Variants in ALPK2 observed in about 807,000 individuals in gnomAD.
ALPK2 encodes the protein alpha-protein kinase 2.
In ALPK2, 127 loss-of-function variants were observed where a neutral mutation model predicts 163.1. The observed-to-expected ratio is 0.78, with a 90% CI of 0.67 to 0.90. The LOEUF (loss-of-function observed/expected upper bound fraction) is 0.90. ALPK2 is among the 40% of genes least tolerant of loss of function. The pLI, the probability that ALPK2 is intolerant of heterozygous loss-of-function variation, is 0.00. For missense variants in ALPK2, 2,360 were observed against 2,589.6 expected (o/e 0.91, Z 1.92); for synonymous variants, 953 against 959.1 (o/e 0.99, Z 0.12).
intron 1 of ALPK2, among the ~76,000 whole-genome samples, chr18:58,621,428 T>C (rs1381281361): frequency 1.3e-5 from 2 of 151,950 alleles, no homozygotes; most frequent in Non-Finnish European, 2.9e-5. Context: ...CCCGCCACAA[T>C]GCCCGGCTAA....
At position 58,515,083 on chromosome 18, in the gene ALPK2, T is replaced by C. The variant is rs1446363772; in HGVS notation, c.5941-2A>G. The C allele has an allele frequency of 6.2e-7, 1 of 1,608,754 alleles. No homozygotes were observed. The highest frequency in any genetic ancestry group is 8.5e-7 in the Non-Finnish European group (1 of 1,176,740). On this transcript the variant is annotated splice_acceptor_variant, in intron 9 of 12. Coordinates refer to ENST00000361673, the MANE Select transcript of ALPK2 (RefSeq NM_052947.4). LOFTEE classifies it high-confidence loss of function. Reference sequence around the variant, plus strand: ...GGCAGTATTTTGAACATAGCATTCCTATATCGCCAAAATACATAGAAAGCC... The same window carrying C: ...GGCAGTATTTTGAACATAGCATTCCCATATCGCCAAAATACATAGAAAGCC...
intron 4 of ALPK2, chr18:58,578,241 G>A (rs1038358182): frequency 6.6e-6 from 1 of 152,138 alleles, no homozygotes; most frequent in Non-Finnish European, 1.5e-5. Context: ...CATCCCACCA[G>A]TGAGGCAACA....
At position 58,499,816 on chromosome 18, in the gene ALPK2, A is replaced by G. The variant is rs76224339; in HGVS notation, c.6248-1719T>C. 1.2e-3 allele frequency among the ~76,000 whole-genome samples: 182 copies of G among 152,352 alleles called. 1 individual carries two copies. In the East Asian group the frequency reaches 0.017, roughly 14 times the overall value. ...TGCCCATGGAGGGCCCTGGCAGCCT[A>G]GAAACCAGTTTGGGCTGTGGAAAGA... On this transcript the variant is annotated intron_variant, in intron 11 of 12. Transcript: ENST00000361673.
At chr18:58,524,165 GT>G in intron 6 of ALPK2, 103 bp from the exon 7 acceptor site, 1 of 1,463,470 alleles carries the variant, frequency 6.8e-7, no homozygotes. Flanking sequence ...CTGCTCACAT[GT>G]TTTCAGCCAG....
rs112816306 is a variant in ALPK2, at chr18:58,626,987, C to T, written c.-21+1777G>A. Among the ~76,000 whole-genome samples the T allele has an allele frequency of 4.0e-3, 604 of 152,200 alleles. 5 individuals carry two copies. The highest frequency in any genetic ancestry group is 0.013 in the African/African-American group (548 of 41,524). On this transcript the variant is annotated intron_variant, in intron 1 of 12. Transcript: ENST00000361673. Reference sequence around the variant, plus strand: ...TAGGTATATTTATTCATCTAATCCCCCATCAATCCTGTTAAAGTGAATACT... The same window carrying T: ...TAGGTATATTTATTCATCTAATCCCTCATCAATCCTGTTAAAGTGAATACT...
intron 1 of ALPK2, among the ~76,000 whole-genome samples, chr18:58,623,340 C>T (rs992362135): frequency 2.6e-5 from 4 of 151,364 alleles, no homozygotes; most frequent in African/African-American, 9.7e-5. Context: ...ACTCCCAATA[C>T]AGAAGATTTT....
At chr18:58,626,802 G>A (rs1602246085) in intron 1 of ALPK2, among the ~76,000 whole-genome samples, 1 of 151,056 alleles carries the variant, frequency 6.6e-6, no homozygotes, top group African/African-American at 2.4e-5. Flanking sequence ...ATTGTGTTAT[G>A]TTGTATTGCA....
intron 4 of ALPK2, among the ~76,000 whole-genome samples, chr18:58,572,102 TC>T (rs1374692608): frequency 4.0e-5 from 6 of 151,870 alleles, no homozygotes; most frequent in Non-Finnish European, 8.8e-5. Context: ...AACAGACATT[TC>T]CCCAAAGAAA....
intron 4 of ALPK2, among the ~76,000 whole-genome samples, chr18:58,554,142 G>A (rs886610802): frequency 1.7e-4 from 26 of 152,182 alleles, no homozygotes; most frequent in Non-Finnish European, 1.3e-4. Context: ...TTACAGGCAT[G>A]AGCCTCTGTG....
chr18:58,572,587 C>T (rs1414845707), intron 4 of ALPK2, among the ~76,000 whole-genome samples: 4 of 152,008 alleles, frequency 2.6e-5, no homozygotes, highest in South Asian at 2.1e-4. Flanking sequence ...AATGAATCTC[C>T]GGGAATTCTG....
chr18:58,481,748 C>G lies in ALPK2; in HGVS notation c.*75G>C, dbSNP rs762972895. On this transcript the variant is annotated 3_prime_UTR_variant, in exon 13 of 13. Transcript: ENST00000361673. ...GCACTCTCTGCAGGCTGTATATTCT[C>G]TCCTGTGTGGCCTCAGATTTTCCCT... 5.8e-5 allele frequency: 72 copies of G among 1,243,526 alleles called. No homozygotes were observed. The highest frequency in any genetic ancestry group is 8.0e-5 in the Non-Finnish European group (68 of 853,412). 77.0% of individuals were successfully genotyped at this position (1,243,526 alleles called of 1,614,324 possible).
chr18:58,551,449 A>G (rs1210968274), intron 4 of ALPK2, among the ~76,000 whole-genome samples: 4 of 152,146 alleles, frequency 2.6e-5, no homozygotes, highest in African/African-American at 9.7e-5. Context: ...TCTTATAAGG[A>G]CACCAGTCAC....
chr18:58,494,030 G>A (rs528971074), intron 12 of ALPK2, among the ~76,000 whole-genome samples: 194 of 152,310 alleles, frequency 1.3e-3, no homozygotes, highest in African/African-American at 4.5e-3. Context: ...CTCCCCGACT[G>A]GCTGGAGAGA....
chr18:58,535,034 G>C lies in ALPK2; in HGVS notation c.5153C>G (p.Pro1718Arg), dbSNP rs2051635962. The C allele has an allele frequency of 2.5e-6, 4 of 1,613,994 alleles. No homozygotes were observed. The highest frequency in any genetic ancestry group is 3.4e-6 in the Non-Finnish European group (4 of 1,180,014). The change falls in exon 5 of 13, where the codon CCA becomes CGA. Residue 1718 changes from proline to arginine, a missense_variant. Pro to Arg is a moderately radical substitution (Grantham distance 103). Coordinates refer to ENST00000361673, the MANE Select transcript of ALPK2 (RefSeq NM_052947.4). The stretch of plus-strand genomic sequence containing the variant: ...TCCCTCAGCTAAATGTCCACTGCCT[G>C]GGGCTTCTGGCTTCCTCTTGACCTC... ...SEEVKRKPEA[P>R]GSGHLAEGVK...
intron 11 of ALPK2, among the ~76,000 whole-genome samples, chr18:58,503,027 A>G (rs879005105): frequency 6.6e-6 from 1 of 152,108 alleles, no homozygotes. Context: ...CCCCAGTTGC[A>G]CTTCCCTACT....
At position 58,483,611 on chromosome 18, in the gene ALPK2, C is replaced by T. The variant is rs577355711; in HGVS notation, c.6297-1572G>A. On this transcript the variant is annotated intron_variant, in intron 12 of 12. Transcript: ENST00000361673. ...TGTTGCCCAGGCTGGAGTGCAATGG[C>T]TCAATCTCAGCTCATTGCAACCTCC... 2.9e-3 allele frequency among the ~76,000 whole-genome samples: 435 copies of T among 151,786 alleles called. 5 individuals are homozygous for T. Among genetic ancestry groups the T allele is most frequent in the African/African-American group, 9.9e-3 (408 of 41,334 alleles).
chr18:58,524,067 A>T lies in ALPK2; in HGVS notation c.5502-5T>A. ...ACAGTGGAGTTGTCCCCTGCACTGC[A>T]ATGAGGAATATTCACATTGACACAC... is the stretch of plus-strand genomic sequence containing the variant. On this transcript the variant is annotated splice_region_variant and splice_polypyrimidine_tract_variant and intron_variant, in intron 6 of 12. Transcript: ENST00000361673. 1 of 1,610,088 alleles carries T rather than the reference A, an allele frequency of 6.2e-7. No individual in the cohort carries two copies. Among genetic ancestry groups the T allele is most frequent in the Non-Finnish European group, 8.5e-7 (1 of 1,177,262 alleles).
intron 4 of ALPK2, among the ~76,000 whole-genome samples, chr18:58,555,108 A>G (rs1270785728): frequency 6.6e-6 from 1 of 152,216 alleles, no homozygotes; most frequent in Non-Finnish European, 1.5e-5. Context: ...ACACAGCTCA[A>G]CAGGCATATG....
intron 4 of ALPK2, among the ~76,000 whole-genome samples, chr18:58,553,282 A>G (rs998695458): frequency 1.3e-5 from 2 of 152,114 alleles, no homozygotes; most frequent in African/African-American, 4.8e-5. Context: ...CTTGGAATTT[A>G]ATACAGAGAG....
Sources: allele counts gnomAD v4.1 joint callset (sites outside exome capture counted in the v4.1 genomes callset), GRCh38; gene constraint gnomAD v4.1.1; transcripts MANE v1.5; gene names NCBI Gene and HGNC (gene_info 2026-07-23, HGNC 2026-07-21).